Variants in FAAH2 observed in about 807,000 individuals in gnomAD.
The protein encoded by FAAH2 is fatty-acid amide hydrolase 2.
In FAAH2, 60 loss-of-function variants were observed where a neutral mutation model predicts 36.9. The observed-to-expected ratio is 1.63, with a 90% CI of 1.32 to 2.02. The LOEUF (loss-of-function observed/expected upper bound fraction) is 2.02, where lower values mean the gene tolerates loss of function less well. Ranked by LOEUF, FAAH2 falls within the 30% of genes most tolerant of loss-of-function variation. FAAH2 has a pLI of 0.00. For synonymous variants in FAAH2, 214 were observed against 143.8 expected (o/e 1.49, Z -3.49); for missense variants, 689 against 397.5 (o/e 1.73, Z -6.23).
At chrX:57,341,615 G>GTT (rs371841057) in intron 5 of FAAH2, among the ~76,000 whole-genome samples, 1 of 96,174 alleles carries the variant, frequency 1.0e-5, no homozygotes, top group Non-Finnish European at 2.1e-5. Flanking sequence ...TATAATAGTT[G>GTT]TTTTTTTTTT....
intron 7 of FAAH2, among the ~76,000 whole-genome samples, chrX:57,382,806 A>C (rs1394441965): frequency 9.0e-6 from 1 of 111,360 alleles, no homozygotes; most frequent in Non-Finnish European, 1.9e-5. Flanking sequence ...AAAAGAGGGA[A>C]TCCTCCCTAA....
intron 10 of FAAH2, among the ~76,000 whole-genome samples, chrX:57,449,839 G>C (rs1356983322): frequency 9.0e-6 from 1 of 111,152 alleles, no homozygotes; most frequent in Non-Finnish European, 1.9e-5. Context: ...GCTAAGTTTT[G>C]TATTTTTAGT....
intron 10 of FAAH2, among the ~76,000 whole-genome samples, chrX:57,486,462 A>G (rs975538369): frequency 1.8e-5 from 2 of 111,714 alleles, no homozygotes; most frequent in Non-Finnish European, 3.8e-5. Context: ...CTCATGCACT[A>G]TGGTTCCTGC....
chrX:57,444,232 T>C (rs751686734), intron 8 of FAAH2, among the ~76,000 whole-genome samples: 2 of 112,504 alleles, frequency 1.8e-5, no homozygotes, highest in African/African-American at 6.4e-5. Context: ...GCAGGCAGGC[T>C]TCCTTGAGCT....
chrX:57,488,816 G>A lies in FAAH2; in HGVS notation c.1483G>A (p.Gly495Arg), dbSNP rs139175109. 5.1e-4 allele frequency: 614 copies of A among 1,209,513 alleles called. No homozygotes were observed. The highest frequency in any genetic ancestry group is 1.4e-3 in the Middle Eastern group (6 of 4,348). ...TQCPLGLNAKGLPLGIQVVAG... is the reference protein window; with the variant it reads ...TQCPLGLNAKRLPLGIQVVAG... The stretch of plus-strand genomic sequence containing the variant: ...ATGCCCACTGGGACTGAATGCCAAA[G>A]GACTCCCTTTAGGCATCCAGGTTGT... Residue 495 changes from glycine (G) to arginine (R), a missense_variant, in exon 11 of 11, where the codon GGA becomes AGA. Coordinates refer to ENST00000374900, the MANE Select transcript of FAAH2 (RefSeq NM_174912.4).
chrX:57,223,860 G>A, the FAAH2 span, among the ~76,000 whole-genome samples: 27 of 111,560 alleles, frequency 2.4e-4, no homozygotes, highest in Admixed American at 2.4e-3. Context: ...AATTATCCAA[G>A]GCATCTCTAC....
chrX:57,278,496 A>G, the FAAH2 span, among the ~76,000 whole-genome samples: 2 of 111,797 alleles, frequency 1.8e-5, no homozygotes, highest in Admixed American at 9.5e-5. Context: ...AACCTAGGCA[A>G]TACCATTCAG....
intron 10 of FAAH2, among the ~76,000 whole-genome samples, chrX:57,465,491 G>A (rs1161555435): frequency 9.0e-6 from 1 of 111,664 alleles, no homozygotes; most frequent in Non-Finnish European, 1.9e-5. Flanking sequence ...TAACAGTGAT[G>A]GATGAGTTAT....
At chrX:57,236,661 C>T in the FAAH2 span, among the ~76,000 whole-genome samples, 26 of 111,315 alleles carry the variant, frequency 2.3e-4, no homozygotes, top group Admixed American at 6.7e-4. Context: ...TAAGATATGT[C>T]TTTTCAGACC....
chrX:57,366,226 T>C (rs953115675), intron 5 of FAAH2, among the ~76,000 whole-genome samples: 1 of 111,771 alleles, frequency 8.9e-6, no homozygotes, highest in Non-Finnish European at 1.9e-5. Flanking sequence ...CTTTTGCTTT[T>C]TTCTTTCTTT....
chrX:57,236,699 T>G, the FAAH2 span, among the ~76,000 whole-genome samples: 1 of 110,491 alleles, frequency 9.1e-6, no homozygotes, highest in Non-Finnish European at 1.9e-5. Context: ...TCAGATTATT[T>G]GGGGGGGGTG....
intron 7 of FAAH2, among the ~76,000 whole-genome samples, chrX:57,420,765 G>A (rs1024949963): frequency 8.3e-5 from 9 of 108,016 alleles, no homozygotes; most frequent in Non-Finnish European, 1.5e-4. Context: ...ATGTTGAATA[G>A]GAGTGGTGAG....
At chrX:57,338,557 G>A (rs927523048) in intron 4 of FAAH2, among the ~76,000 whole-genome samples, 1 of 111,361 alleles carries the variant, frequency 9.0e-6, no homozygotes, top group African/African-American at 3.3e-5. Flanking sequence ...GGGCTCAGAG[G>A]CCTGACACTC....
In FAAH2 at chrX:57,378,653, G is replaced by A. The variant is rs776131446; in HGVS notation, c.745G>A (p.Val249Met). Residue 249 changes from valine (V) to methionine (M), a missense_variant and splice_region_variant, in exon 6 of 11, where the codon GTG (valine) becomes ATG (methionine). Coordinates refer to ENST00000374900, the MANE Select transcript of FAAH2 (RefSeq NM_174912.4). ...AACCTGACTGTCTATCCTTTCAGGT[G>A]TGGTTCCCAACAAAGGTCAGTTTCC... ...GIFGHKPSPGVVPNKGQFPLA... is the reference protein window; with the variant it reads ...GIFGHKPSPGMVPNKGQFPLA... 3.3e-6 allele frequency: 4 copies of A among 1,209,213 alleles called. No individual in the cohort carries two copies. The highest frequency in any genetic ancestry group is 1.7e-5 in the African/African-American group (1 of 57,154).
At chrX:57,229,180 T>C in the FAAH2 span, 1 of 112,252 alleles carries the variant, frequency 8.9e-6, no homozygotes, top group Non-Finnish European at 1.9e-5. Flanking sequence ...AGAGACAGTG[T>C]TGACAATGAG....
At chrX:57,292,895 A>C (rs1010492402) in intron 2 of FAAH2, among the ~76,000 whole-genome samples, 1 of 111,659 alleles carries the variant, frequency 9.0e-6, no homozygotes, top group Admixed American at 9.6e-5. Flanking sequence ...GAATAGATTA[A>C]TATTTGGCAG....
the FAAH2 span, among the ~76,000 whole-genome samples, chrX:57,255,469 C>T: frequency 3.6e-5 from 4 of 111,599 alleles, no homozygotes; most frequent in African/African-American, 6.5e-5. Flanking sequence ...AGAGACACAA[C>T]CAAAAAAGAG....
rs181342548 is a variant in FAAH2, at chrX:57,439,543, T to G, written c.1117-7385T>G. On this transcript the variant is annotated intron_variant, in intron 8 of 10. Coordinates refer to ENST00000374900, the MANE Select transcript of FAAH2 (RefSeq NM_174912.4). ...GTAGGTTGCAAATTTTTCTCCCATT[T>G]TGTAGGTTGCCTGTTCACTCTGATG... 8.7e-3 allele frequency among the ~76,000 whole-genome samples: 971 copies of G among 111,496 alleles called. 11 individuals are homozygous for G. Among genetic ancestry groups the G allele is most frequent in the African/African-American group, 0.03 (914 of 30,709 alleles).
At chrX:57,170,806 G>A in the FAAH2 span, among the ~76,000 whole-genome samples, 1 of 110,149 alleles carries the variant, frequency 9.1e-6, no homozygotes, top group Non-Finnish European at 1.9e-5. Flanking sequence ...CCGGGTTTAA[G>A]CAATTCTCCT....
Sources: allele counts gnomAD v4.1 joint callset (sites outside exome capture counted in the v4.1 genomes callset), GRCh38; gene constraint gnomAD v4.1.1; transcripts MANE v1.5; gene names NCBI Gene and HGNC (gene_info 2026-07-23, HGNC 2026-07-21).